MGST2: variants seen among roughly 807,000 people sequenced by gnomAD.
MGST2 encodes the protein microsomal glutathione S-transferase 2.
MGST2 carries 9 observed loss-of-function variants against 16.6 expected under a neutral mutation model. The ratio of observed to expected loss-of-function variants is 0.54; its 90% CI spans 0.33 to 0.95. The LOEUF is 0.95. Among genes scored for constraint, MGST2 ranks in the 40% least tolerant of loss-of-function variants. The pLI is 0.03. For missense variants in MGST2, 159 were observed against 175.1 expected, an observed-to-expected ratio of 0.91 and a Z score of 0.52; for synonymous variants, 79 against 68.0, an observed-to-expected ratio of 1.16 and a Z score of -0.79.
chr4:139,707,762 A>G (rs1712844753), downstream of MGST2, among the ~76,000 whole-genome samples: 1 of 152,034 alleles, frequency 6.6e-6, no homozygotes, highest in Admixed American at 6.5e-5. Context: ...CTGGTGTGAG[A>G]TGGTATCTCA....
intron 1 of MGST2, among the ~76,000 whole-genome samples, chr4:139,675,498 C>T (rs181317037): frequency 4.1e-4 from 63 of 152,344 alleles, no homozygotes; most frequent in African/African-American, 1.5e-3. Flanking sequence ...GAAAGTCATA[C>T]TGTTTTATAA....
At chr4:139,737,956 G>A (rs1729009380) in intron 5 of MGST2, among the ~76,000 whole-genome samples, 1 of 152,200 alleles carries the variant, frequency 6.6e-6, no homozygotes, top group South Asian at 2.1e-4. Flanking sequence ...ATCAATTTAG[G>A]AGGCTTATCA....
At chr4:139,751,241 T>C in the MGST2 span, among the ~76,000 whole-genome samples, 1 of 152,364 alleles carries the variant, frequency 6.6e-6, no homozygotes, top group African/African-American at 2.4e-5. Context: ...ACTTAAAATA[T>C]TACTTGGAGT....
chr4:139,712,133 A>G (rs926529738), intron 5 of MGST2, among the ~76,000 whole-genome samples: 9 of 152,232 alleles, frequency 5.9e-5, no homozygotes, highest in African/African-American at 2.2e-4. Context: ...AAGTTATTCC[A>G]AGCAAGCTAA....
rs1730320424 is a variant in MGST2 at position 139,666,072 on chromosome 4, A to G, written c.53A>G (p.Gln18Arg). 6.2e-7 allele frequency: 1 copy of G among 1,613,430 alleles called. No homozygotes were observed. The highest frequency in any genetic ancestry group is 8.5e-7 in the Non-Finnish European group (1 of 1,179,956). ...LAAVSILSAC[Q>R]QSYFALQVGK... is the part of the protein sequence containing the mutation. ...GCTGTCTCTATTCTCTCGGCCTGTCAGCAAAGTAAGAGGCATGGGAAGTTC... is the reference window on the plus strand; with the variant it reads ...GCTGTCTCTATTCTCTCGGCCTGTCGGCAAAGTAAGAGGCATGGGAAGTTC... Residue 18 changes from glutamine to arginine, a missense_variant, in exon 1 of 5, where the codon CAG (glutamine) becomes CGG (arginine). Gln to Arg is a conservative substitution (Grantham distance 43). Transcript: ENST00000265498.
intron 2 of MGST2, among the ~76,000 whole-genome samples, chr4:139,687,425 G>A (rs769433924): frequency 6.6e-6 from 1 of 152,206 alleles, no homozygotes; most frequent in Non-Finnish European, 1.5e-5. Flanking sequence ...AGTTAGAGCA[G>A]AATTCCCTGG....
intron 5 of MGST2, among the ~76,000 whole-genome samples, chr4:139,738,091 C>G (rs1346020641): frequency 6.6e-6 from 1 of 152,242 alleles, no homozygotes; most frequent in Non-Finnish European, 1.5e-5. Context: ...GGTAGAAACT[C>G]AGCTCCACCA....
At chr4:139,678,805 T>C in intron 2 of MGST2, 163 bp downstream of exon 2, 1 of 685,890 alleles carries the variant, frequency 1.5e-6, no homozygotes, top group Non-Finnish European at 2.6e-6. Context: ...TCCAGAAAGT[T>C]TGAAGGGTTC....
At chr4:139,696,842 A>G (rs1193487998) in intron 3 of MGST2, among the ~76,000 whole-genome samples, 1 of 152,164 alleles carries the variant, frequency 6.6e-6, no homozygotes, top group Non-Finnish European at 1.5e-5. Flanking sequence ...CTTCCACAAC[A>G]TTGACGATCA....
chr4:139,696,138 C>T (rs1726907001), intron 3 of MGST2, among the ~76,000 whole-genome samples: 1 of 152,178 alleles, frequency 6.6e-6, no homozygotes, highest in South Asian at 2.1e-4. Context: ...TCATCCTCAT[C>T]ATTTTCACGT....
intron 5 of MGST2, among the ~76,000 whole-genome samples, chr4:139,723,411 A>C (rs1402730764): frequency 1.3e-5 from 2 of 152,188 alleles, no homozygotes; most frequent in Non-Finnish European, 2.9e-5. Context: ...CCTGAGTTCA[A>C]GCAATTCTCC....
At chr4:139,713,592 T>C (rs1360385150) in intron 5 of MGST2, among the ~76,000 whole-genome samples, 1 of 151,696 alleles carries the variant, frequency 6.6e-6, no homozygotes, top group African/African-American at 2.4e-5. Context: ...TTTAAATATA[T>C]CTATTGCTTG....
chr4:139,670,055 G>A (rs1486354333), intron 1 of MGST2, among the ~76,000 whole-genome samples: 1 of 152,184 alleles, frequency 6.6e-6, no homozygotes, highest in Middle Eastern at 3.4e-3. Context: ...GGGAGGAGAC[G>A]GCAGGCAATT....
the MGST2 span, among the ~76,000 whole-genome samples, chr4:139,751,247 G>A: frequency 6.6e-6 from 1 of 152,082 alleles, no homozygotes; most frequent in Non-Finnish European, 1.5e-5. Context: ...AATATTACTT[G>A]GAGTAGTCTA....
chr4:139,725,210 G>C (rs967843609), intron 5 of MGST2, among the ~76,000 whole-genome samples: 2 of 152,164 alleles, frequency 1.3e-5, no homozygotes, highest in African/African-American at 4.8e-5. Context: ...AGTTCAATCA[G>C]CCTCAAGGCC....
rs186646164 is a variant in MGST2 at position 139,691,021 on chromosome 4, C to A, written c.159-4176C>A. On this transcript the variant is annotated intron_variant, in intron 2 of 4. Coordinates refer to ENST00000265498, the MANE Select transcript of MGST2 (RefSeq NM_002413.5). ...AGTTTTAGCACTTAAAGCTCCATGTCCCCCTAAATTCCTCAGTCCCAGGCA... is the reference window on the plus strand; with the variant it reads ...AGTTTTAGCACTTAAAGCTCCATGTACCCCTAAATTCCTCAGTCCCAGGCA... 2.0e-5 allele frequency among the ~76,000 whole-genome samples: 3 copies of A among 152,298 alleles called. No individual in the cohort carries two copies. In the East Asian group the frequency reaches 5.8e-4, roughly 29 times the overall value.
intron 3 of MGST2, among the ~76,000 whole-genome samples, chr4:139,700,127 C>CTTTTTTTT (rs56662682): frequency 1.1e-4 from 9 of 82,972 alleles, no homozygotes; most frequent in Non-Finnish European, 1.9e-4. Flanking sequence ...TTTGGTTTTG[C>CTTTTTTTT]TTTTTTTTTT....
chr4:139,741,885 T>A (rs4622949), downstream of MGST2, among the ~76,000 whole-genome samples: 127,704 of 151,846 alleles, frequency 0.84, 54,359 homozygotes, highest in Non-Finnish European at 0.92. Flanking sequence ...CATTGCATTT[T>A]TAAAACGCCC....
At chr4:139,719,611 C>T (rs773213665) in intron 5 of MGST2, 55 of 1,612,578 alleles carry the variant, frequency 3.4e-5, no homozygotes, top group Middle Eastern at 1.6e-4. Flanking sequence ...CCATTGGCCT[C>T]GCCTGGCTGG....
Sources: gnomAD v4.1 joint callset for allele counts (sites outside exome capture counted in the v4.1 genomes callset) on GRCh38, gnomAD v4.1.1 for gene constraint, MANE v1.5 for transcripts, NCBI Gene and HGNC (gene_info 2026-07-23, HGNC 2026-07-21) for gene names.